ZFHX3: variants seen among roughly 807,000 people sequenced by gnomAD.
ZFHX3 encodes the protein zinc finger homeobox 3.
In ZFHX3, 42 loss-of-function variants were observed where a neutral mutation model predicts 279.1. That is an observed-to-expected ratio of 0.15 (90% CI 0.12 to 0.19). The LOEUF is 0.19. Among genes scored for constraint, ZFHX3 ranks in the 10% least tolerant of loss-of-function variants. The pLI, the probability that ZFHX3 is intolerant of heterozygous loss-of-function variation, is 1.00. For missense variants in ZFHX3, 4,981 were observed against 4,754.0 expected, an observed-to-expected ratio of 1.05 and a Z score of -1.40; for synonymous variants, 2,293 against 1,957.8, an observed-to-expected ratio of 1.17 and a Z score of -4.52.
At chr16:73,741,421 C>T (rs1271137818) in intron 1 of ZFHX3, among the ~76,000 whole-genome samples, 2 of 152,190 alleles carry the variant, frequency 1.3e-5, no homozygotes, top group Non-Finnish European at 2.9e-5. Flanking sequence ...GCTCCAGAAG[C>T]AGGTCTACAG....
At chr16:73,800,975 G>A (rs879530352) in intron 1 of ZFHX3, among the ~76,000 whole-genome samples, 23 of 152,116 alleles carry the variant, frequency 1.5e-4, no homozygotes, top group Non-Finnish European at 3.2e-4. Context: ...TTATAAACGT[G>A]AGGCTCCTCC....
intron 3 of ZFHX3, among the ~76,000 whole-genome samples, chr16:73,447,145 C>T (rs1468165515): frequency 6.7e-6 from 1 of 148,288 alleles, no homozygotes; most frequent in African/African-American, 2.5e-5. Flanking sequence ...CACGCCACTG[C>T]ACTCCAGCCT....
At chr16:73,439,842 A>G (rs1217374738) in intron 3 of ZFHX3, among the ~76,000 whole-genome samples, 3 of 148,898 alleles carry the variant, frequency 2.0e-5, no homozygotes, top group Non-Finnish European at 4.5e-5. Context: ...TTTGCCTTGA[A>G]AGGCTGAGGC....
intron 1 of ZFHX3, among the ~76,000 whole-genome samples, chr16:73,717,363 C>G (rs1377358179): frequency 6.6e-6 from 1 of 151,842 alleles, no homozygotes; most frequent in Non-Finnish European, 1.5e-5. Context: ...TCCCATTTGA[C>G]TTATTCCCTT....
At chr16:73,390,847 A>G (rs2016997064) in intron 3 of ZFHX3, among the ~76,000 whole-genome samples, 1 of 151,980 alleles carries the variant, frequency 6.6e-6, no homozygotes, top group Admixed American at 6.6e-5. Context: ...AGGAGGTTTT[A>G]AAAAAAATCA....
At chr16:73,249,824 TCACA>T (rs143652574) in intron 5 of ZFHX3, among the ~76,000 whole-genome samples, 5 of 148,672 alleles carry the variant, frequency 3.4e-5, no homozygotes, top group African/African-American at 7.5e-5. Context: ...AACAGGCACT[TCACA>T]CACACACACA....
At chr16:72,833,639 T>C (rs991035483) in intron 4 of ZFHX3, among the ~76,000 whole-genome samples, 5 of 152,194 alleles carry the variant, frequency 3.3e-5, no homozygotes, top group African/African-American at 1.2e-4. Context: ...ACACCAGGAA[T>C]GCTTTCCCAA....
intron 1 of ZFHX3, among the ~76,000 whole-genome samples, chr16:73,780,111 ATTTTTTTTTTTTTTTTTTTTTTTTTTTT>A (rs762134796): frequency 2.6e-3 from 88 of 33,212 alleles, no homozygotes; most frequent in South Asian, 0.023. Flanking sequence ...CTGCATTTGA[ATTTTTTTTTTTTTTTTTTTTTTTTTTTT>A]TTTTTTTTTT....
chr16:72,892,017 C>G (rs1453218150), intron 3 of ZFHX3, among the ~76,000 whole-genome samples: 1 of 152,234 alleles, frequency 6.6e-6, no homozygotes, highest in African/African-American at 2.4e-5. Flanking sequence ...GCACTCCACG[C>G]AATCCTGAAA....
intron 4 of ZFHX3, among the ~76,000 whole-genome samples, chr16:72,836,381 G>A (rs1234908585): frequency 6.6e-6 from 1 of 152,124 alleles, no homozygotes; most frequent in Non-Finnish European, 1.5e-5. Context: ...TTACTCCCTG[G>A]TTTTATTCCA....
intron 3 of ZFHX3, among the ~76,000 whole-genome samples, chr16:72,926,452 C>T (rs909788242): frequency 6.6e-6 from 1 of 152,192 alleles, no homozygotes; most frequent in Non-Finnish European, 1.5e-5. Flanking sequence ...AAATGAATTA[C>T]AGAATCCACT....
Position 72,787,479 on chromosome 16 carries a change from G to C in ZFHX3, c.10797C>G (p.Pro3599=). ...SAAHSNDSPP[P]PSAAAPSSAS... ...CGGAGGAGGGGGCGGCGGCCGACGG[G>C]GGAGGGGGGCTGTCGTTTGAGTGAG... The change falls in exon 10 of 10, where the codon CCC becomes CCG. Residue 3599 remains proline, a synonymous_variant. Coordinates refer to ENST00000268489, the MANE Select transcript of ZFHX3 (RefSeq NM_006885.4). 2 of 1,607,246 alleles carry C rather than the reference G, an allele frequency of 1.2e-6. No homozygotes were observed. The highest frequency in any genetic ancestry group is 1.1e-5 in the South Asian group (1 of 90,146).
chr16:73,791,220 C>T (rs1959812255), intron 1 of ZFHX3, among the ~76,000 whole-genome samples: 1 of 151,898 alleles, frequency 6.6e-6, no homozygotes, highest in Non-Finnish European at 1.5e-5. Context: ...CTGCCTCAGC[C>T]ACCCAAAGTG....
chr16:73,086,314 T>C (rs1012529993), intron 8 of ZFHX3, among the ~76,000 whole-genome samples: 4 of 152,126 alleles, frequency 2.6e-5, no homozygotes, highest in Non-Finnish European at 5.9e-5. Context: ...TCCTCAAAAG[T>C]CTAAAAATAG....
intron 4 of ZFHX3, among the ~76,000 whole-genome samples, chr16:72,871,147 T>C (rs967092903): frequency 1.3e-5 from 2 of 152,216 alleles, no homozygotes; most frequent in African/African-American, 2.4e-5. Context: ...ATTACTTTTC[T>C]ATAAGTCTGA....
chr16:72,988,593 T>C (rs1161370979), intron 1 of ZFHX3, among the ~76,000 whole-genome samples: 1 of 152,204 alleles, frequency 6.6e-6, no homozygotes, highest in Non-Finnish European at 1.5e-5. Context: ...GTGATCCTGA[T>C]TGGAATTCAA....
At chr16:72,846,664 A>G (rs2037488578) in intron 4 of ZFHX3, among the ~76,000 whole-genome samples, 1 of 152,252 alleles carries the variant, frequency 6.6e-6, no homozygotes. Context: ...GACAACCTGC[A>G]CGGCTTTAGC....
chr16:73,426,072 C>A (rs543014914), intron 3 of ZFHX3, among the ~76,000 whole-genome samples: 1 of 152,332 alleles, frequency 6.6e-6, no homozygotes, highest in South Asian at 2.1e-4. Flanking sequence ...GCTGGCCACA[C>A]CTCAGTGGGT....
chr16:73,311,455 T>TGTGGA (rs2015323451), intron 4 of ZFHX3, among the ~76,000 whole-genome samples: 1 of 151,252 alleles, frequency 6.6e-6, no homozygotes, highest in East Asian at 2.0e-4. Context: ...ATTAGCCAGG[T>TGTGGA]GGCAGACGCT....
Sources: allele counts gnomAD v4.1 joint callset (sites outside exome capture counted in the v4.1 genomes callset), GRCh38; gene constraint gnomAD v4.1.1; transcripts MANE v1.5; gene names NCBI Gene and HGNC (gene_info 2026-07-23, HGNC 2026-07-21).